The following DLGAP4 variants were observed in gnomAD, a reference collection of about 807,000 sequenced individuals.
DLGAP4 encodes DLG associated protein 4, also known as disks large-associated protein 4.
DLGAP4 carries 18 observed loss-of-function variants against 86.9 expected under a neutral mutation model. The ratio of observed to expected loss-of-function variants is 0.21; its 90% CI spans 0.14 to 0.31. The LOEUF is 0.31. Among genes scored for constraint, DLGAP4 ranks in the 10% least tolerant of loss-of-function variants. The pLI is 1.00. For missense variants in DLGAP4, 1,085 were observed against 1,362.6 expected (o/e 0.80, Z 3.21); for synonymous variants, 548 against 574.3 (o/e 0.95, Z 0.65).
chr20:36,346,716 T>C (rs1555893037), intron 1 of DLGAP4, among the ~76,000 whole-genome samples: 1 of 150,956 alleles, frequency 6.6e-6, no homozygotes, highest in Non-Finnish European at 1.5e-5. Flanking sequence ...TTAGGACCCA[T>C]TTTTTTTTAA....
chr20:36,452,780 G>A (rs2033771880), intron 7 of DLGAP4, among the ~76,000 whole-genome samples: 1 of 151,224 alleles, frequency 6.6e-6, no homozygotes, highest in African/African-American at 2.4e-5. Context: ...AAAGTGTTGG[G>A]ATTACAGGCG....
chr20:36,470,520 AT>A (rs1179091905), intron 7 of DLGAP4, among the ~76,000 whole-genome samples: 1 of 151,004 alleles, frequency 6.6e-6, no homozygotes, highest in Non-Finnish European at 1.5e-5. Flanking sequence ...TAAAAGTTAT[AT>A]TTTTACTGAA....
chr20:36,348,544 G>A (rs578224324), intron 1 of DLGAP4, among the ~76,000 whole-genome samples: 26 of 151,880 alleles, frequency 1.7e-4, no homozygotes, highest in Non-Finnish European at 3.4e-4. Flanking sequence ...TCAGCCTCCC[G>A]AGTAGTTGGG....
intron 7 of DLGAP4, among the ~76,000 whole-genome samples, chr20:36,468,761 G>C (rs1248237708): frequency 1.3e-5 from 2 of 152,254 alleles, no homozygotes; most frequent in East Asian, 3.8e-4. Flanking sequence ...CTGGACAAAG[G>C]TTTTGAGAGA....
At chr20:36,499,364 C>T (rs753638494) in intron 8 of DLGAP4, 5 of 1,588,216 alleles carry the variant, frequency 3.1e-6, no homozygotes, top group Non-Finnish European at 4.3e-6. Context: ...ACCTCCCGCC[C>T]ACCTGCCCGC....
intron 2 of DLGAP4, among the ~76,000 whole-genome samples, chr20:36,382,246 G>A (rs539371643): frequency 6.6e-6 from 1 of 152,254 alleles, no homozygotes; most frequent in East Asian, 1.9e-4. Flanking sequence ...CTGAGATAGA[G>A]TCTTGCTGTC....
chr20:36,488,159 C>T (rs1213723321), intron 7 of DLGAP4, among the ~76,000 whole-genome samples: 1 of 149,922 alleles, frequency 6.7e-6, no homozygotes, highest in Non-Finnish European at 1.5e-5. Context: ...AAGATTGCTC[C>T]ACTGCACTCC....
intron 7 of DLGAP4, among the ~76,000 whole-genome samples, chr20:36,488,317 A>T (rs2035510020): frequency 6.6e-6 from 1 of 152,038 alleles, no homozygotes; most frequent in Non-Finnish European, 1.5e-5. Context: ...AGGTGAGTGC[A>T]GGCAAATCTC....
intron 6 of DLGAP4, among the ~76,000 whole-genome samples, chr20:36,443,089 G>A (rs936936604): frequency 2.0e-5 from 3 of 152,192 alleles, no homozygotes; most frequent in African/African-American, 7.2e-5. Flanking sequence ...CAGAAAGCCT[G>A]GGTCAGGCCT....
At chr20:36,328,799 C>T (rs185682259) in intron 1 of DLGAP4, among the ~76,000 whole-genome samples, 7 of 148,292 alleles carry the variant, frequency 4.7e-5, no homozygotes, top group East Asian at 2.0e-4. Flanking sequence ...TTTCTTAAGA[C>T]GGAGTCTCTC....
At chr20:36,420,428 A>T (rs1020357823) in intron 2 of DLGAP4, among the ~76,000 whole-genome samples, 1 of 152,058 alleles carries the variant, frequency 6.6e-6, no homozygotes, top group Non-Finnish European at 1.5e-5. Context: ...AGGGAAGAGC[A>T]CTCCAGGCAG....
In DLGAP4 at chr20:36,442,858, G is replaced by T; in HGVS notation, c.1407+81G>T. On this transcript the variant is annotated intron_variant, in intron 6 of 12. Coordinates refer to ENST00000339266, the MANE Select transcript of DLGAP4 (RefSeq NM_001365621.2). ...TAGGCCTGCCCTCTGAGTGGTCCCA[G>T]CACCCGGCCCAGGCTGGTACAAGCA... is the stretch of plus-strand genomic sequence containing the variant. The T allele has an allele frequency of 3.2e-6, 5 of 1,579,460 alleles. No homozygotes were observed. The South Asian group carries it at 5.5e-5, about 17-fold the overall frequency.
intron 1 of DLGAP4, among the ~76,000 whole-genome samples, chr20:36,355,018 C>T (rs190644554): frequency 9.9e-5 from 15 of 152,272 alleles, no homozygotes; most frequent in South Asian, 2.1e-4. Flanking sequence ...GCTGTTTACA[C>T]GCCATAAAAT....
At chr20:36,404,588 G>C (rs1048366277) in intron 2 of DLGAP4, among the ~76,000 whole-genome samples, 1 of 152,158 alleles carries the variant, frequency 6.6e-6, no homozygotes, top group African/African-American at 2.4e-5. Flanking sequence ...GCTCCTCTAC[G>C]AGAGACCGTG....
intron 7 of DLGAP4, among the ~76,000 whole-genome samples, chr20:36,495,573 C>T (rs547309203): frequency 2.0e-5 from 3 of 152,236 alleles, no homozygotes; most frequent in African/African-American, 4.8e-5. Context: ...ACAGAGTTCT[C>T]ATCGTCTGAG....
In DLGAP4 at chr20:36,432,608, G is replaced by C. The variant is rs774800914; in HGVS notation, c.891G>C (p.Leu297=). The C allele has an allele frequency of 1.4e-5, 22 of 1,612,024 alleles. No individual in the cohort carries two copies. The South Asian group carries it at 2.3e-4, about 17-fold the overall frequency. ...TCAAACGGGGCTCCTGGTCCACTCT[G>C]ACCCTCAGCCACGCCCACGAGGTCT... ...NYVKRGSWST[L]TLSHAHEVCQ... The change falls in exon 3 of 13, where the codon CTG becomes CTC. Residue 297 remains leucine, a synonymous_variant. Coordinates refer to ENST00000339266, the MANE Select transcript of DLGAP4 (RefSeq NM_001365621.2). This position sits in a 1 kb window ranked among gnomAD's most constrained non-coding sequence, Gnocchi z 6.5.
chr20:36,368,677 T>A (rs1302018064), intron 2 of DLGAP4, among the ~76,000 whole-genome samples: 1 of 152,186 alleles, frequency 6.6e-6, no homozygotes, highest in Non-Finnish European at 1.5e-5. Flanking sequence ...CTGTGGGATT[T>A]AATCATTTGC....
In DLGAP4 at chr20:36,525,852, A is replaced by T. The variant is rs2037725157; in HGVS notation, c.2606A>T (p.Asn869Ile). 1.9e-6 allele frequency: 3 copies of T among 1,612,940 alleles called. No homozygotes were observed. In the East Asian group the frequency reaches 6.7e-5, roughly 36 times the overall value. ...QFRGLCEQNL[N>I]PDANPRPTAQ... is the part of the protein sequence containing the mutation. ...CACTGATCCCCATCTGGCCCACAGA[A>T]CCCTGATGCCAACCCACGCCCCACA... The change falls in exon 12 of 13, where the codon AAC becomes ATC. Residue 869 changes from asparagine to isoleucine, a missense_variant and splice_region_variant. Coordinates refer to ENST00000339266, the MANE Select transcript of DLGAP4 (RefSeq NM_001365621.2).
At chr20:36,483,702 G>A (rs375173805) in intron 7 of DLGAP4, among the ~76,000 whole-genome samples, 38 of 152,306 alleles carry the variant, frequency 2.5e-4, no homozygotes, top group African/African-American at 8.2e-4. Context: ...GAGTGGTTCC[G>A]GTGTTCCTGG....
Sources: gnomAD v4.1 joint callset for allele counts (sites outside exome capture counted in the v4.1 genomes callset) on GRCh38, gnomAD v4.1.1 for gene constraint, Gnocchi (gnomAD v3.1) non-coding constraint, MANE v1.5 for transcripts, NCBI Gene and HGNC (gene_info 2026-07-23, HGNC 2026-07-21) for gene names.